ZNF469: variants seen among roughly 807,000 people sequenced by gnomAD.
The protein encoded by ZNF469 is zinc finger protein 469.
A neutral mutation model predicts 1.0 loss-of-function variants in ZNF469; 1 was observed. The ratio of observed to expected loss-of-function variants is 1.00; its 90% CI spans 0.35 to 4.73. The LOEUF is 4.73. Among genes scored for constraint, ZNF469 ranks in the 30% most tolerant of loss-of-function variants. The probability of loss-of-function intolerance (pLI) is 0.16; values close to 1 mark genes in which losing one functional copy is unlikely to be tolerated. For synonymous variants in ZNF469, 2,703 were observed against 2,363.4 expected, an observed-to-expected ratio of 1.14 and a Z score of -4.17; for missense variants, 6,100 against 5,356.3, an observed-to-expected ratio of 1.14 and a Z score of -4.33.
chr16:88,246,281 T>C, the ZNF469 span, among the ~76,000 whole-genome samples: 312 of 152,322 alleles, frequency 2.0e-3, 2 homozygotes, highest in African/African-American at 7.3e-3. Context: ...GTATTTAACA[T>C]TTGCTGTGCA....
At chr16:88,274,913 C>T in the ZNF469 span, among the ~76,000 whole-genome samples, 5 of 152,222 alleles carry the variant, frequency 3.3e-5, no homozygotes, top group African/African-American at 7.2e-5. Flanking sequence ...AGGCAACAGC[C>T]GAGCTGTTTT....
the ZNF469 span, among the ~76,000 whole-genome samples, chr16:88,230,761 C>G: frequency 6.6e-6 from 1 of 152,168 alleles, no homozygotes; most frequent in African/African-American, 2.4e-5. Context: ...TGGAACGTAC[C>G]AAGGAGTGGG....
the ZNF469 span, among the ~76,000 whole-genome samples, chr16:88,186,800 A>G: frequency 2.0e-5 from 3 of 152,342 alleles, no homozygotes; most frequent in South Asian, 6.2e-4. Flanking sequence ...GGGCTCCGGC[A>G]TCCAGGGTTC....
the ZNF469 span, among the ~76,000 whole-genome samples, chr16:88,127,439 T>A: frequency 6.6e-6 from 1 of 152,276 alleles, no homozygotes; most frequent in Non-Finnish European, 1.5e-5. Flanking sequence ...ATTTGGTCAG[T>A]TGACTCTGAT....
At chr16:88,187,900 C>G in the ZNF469 span, among the ~76,000 whole-genome samples, 1 of 152,058 alleles carries the variant, frequency 6.6e-6, no homozygotes, top group Non-Finnish European at 1.5e-5. Flanking sequence ...GCTGTTGTCT[C>G]TTTTTCCCCA....
At chr16:88,267,142 G>A in the ZNF469 span, among the ~76,000 whole-genome samples, 1 of 152,190 alleles carries the variant, frequency 6.6e-6, no homozygotes, top group East Asian at 1.9e-4. Flanking sequence ...CCCTCCATCG[G>A]CGCCCTCACT....
chr16:88,150,517 G>T, the ZNF469 span, among the ~76,000 whole-genome samples: 1 of 152,176 alleles, frequency 6.6e-6, no homozygotes, highest in Non-Finnish European at 1.5e-5. Flanking sequence ...TCATCCGGAG[G>T]GGTTGCTGAT....
Position 88,437,157 on chromosome 16 carries a change from C to G in ZNF469, c.9687C>G (p.Asn3229Lys). ...GCAGCGCTGTCGCCCACCTTCTGAACAGCATCACGGAACCCGCGCCCAAAC... is the reference window on the plus strand; with the variant it reads ...GCAGCGCTGTCGCCCACCTTCTGAAGAGCATCACGGAACCCGCGCCCAAAC... ...EGSSAVAHLL[N>K]SITEPAPKHH... The change falls in exon 3 of 3, where the codon AAC (asparagine) becomes AAG (lysine). Residue 3229 changes from asparagine to lysine, a missense_variant. By Grantham distance (94) the Asn-to-Lys change is moderately conservative. Coordinates refer to ENST00000565624, the MANE Select transcript of ZNF469 (RefSeq NM_001367624.2). 1 of 1,549,322 alleles carries G rather than the reference C, an allele frequency of 6.5e-7. No homozygotes were observed. The highest frequency in any genetic ancestry group is 8.7e-7 in the Non-Finnish European group (1 of 1,146,608).
the ZNF469 span, among the ~76,000 whole-genome samples, chr16:88,171,526 A>G: frequency 6.6e-6 from 1 of 152,210 alleles, no homozygotes; most frequent in African/African-American, 2.4e-5. Flanking sequence ...CAGGCTCACA[A>G]TCTTGGCTTC....
chr16:88,294,941 G>C, the ZNF469 span: 1 of 164,584 alleles, frequency 6.1e-6, no homozygotes, highest in Non-Finnish European at 1.3e-5. Context: ...AGAGCCTCTC[G>C]AGCCCTCAGG....
Position 88,433,171 on chromosome 16 carries a change from C to T in ZNF469, c.5701C>T (p.Pro1901Ser), listed in dbSNP as rs1208889208. ...RRSQDPALSP[P>S]IRQLQLPGPG... is the part of the protein sequence containing the mutation. Reference sequence around the variant, plus strand: ...GTCCCAGGACCCAGCTTTGAGCCCCCCCATACGTCAGCTCCAGCTCCCAGG... The same window carrying T: ...GTCCCAGGACCCAGCTTTGAGCCCCTCCATACGTCAGCTCCAGCTCCCAGG... Residue 1901 changes from proline (P) to serine (S), a missense_variant, in exon 3 of 3, where the codon CCC becomes TCC. Physicochemically the swap from Pro to Ser is moderately conservative, Grantham distance 74. Coordinates refer to ENST00000565624, the MANE Select transcript of ZNF469 (RefSeq NM_001367624.2). 1 of 1,550,324 alleles carries T rather than the reference C, an allele frequency of 6.5e-7. No homozygotes were observed. The highest frequency in any genetic ancestry group is 1.2e-5 in the South Asian group (1 of 84,054).
chr16:88,377,264 G>A, the ZNF469 span, among the ~76,000 whole-genome samples: 9 of 152,238 alleles, frequency 5.9e-5, no homozygotes, highest in South Asian at 2.1e-4. Flanking sequence ...GGGGAGGGGC[G>A]TTGCTGCTCA....
At chr16:88,414,054 C>A (rs1905244018) in intron 1 of ZNF469, among the ~76,000 whole-genome samples, 1 of 152,194 alleles carries the variant, frequency 6.6e-6, no homozygotes, top group Admixed American at 6.5e-5. Flanking sequence ...TTTCCCTACA[C>A]CCTCGGGTCT....
intron 1 of ZNF469, among the ~76,000 whole-genome samples, chr16:88,408,342 G>A (rs766910641): frequency 6.6e-6 from 1 of 152,188 alleles, no homozygotes; most frequent in Non-Finnish European, 1.5e-5. Context: ...AGTAGAGACG[G>A]GGTTTCGCCA....
At chr16:88,366,173 C>T in the ZNF469 span, among the ~76,000 whole-genome samples, 63,983 of 138,874 alleles carry the variant, frequency 0.46, 15,888 homozygotes, top group Non-Finnish European at 0.55. Flanking sequence ...ATCATCACCA[C>T]GATCATCATC....
the ZNF469 span, among the ~76,000 whole-genome samples, chr16:88,184,903 A>C: frequency 6.6e-6 from 1 of 152,214 alleles, no homozygotes; most frequent in Non-Finnish European, 1.5e-5. Flanking sequence ...ATCCACATGC[A>C]CACACTCACA....
chr16:88,198,681 C>T, the ZNF469 span, among the ~76,000 whole-genome samples: 26 of 152,128 alleles, frequency 1.7e-4, no homozygotes, highest in Admixed American at 4.6e-4. Flanking sequence ...GGATGGGTGG[C>T]GAGCAGAATG....
the ZNF469 span, among the ~76,000 whole-genome samples, chr16:88,295,822 C>CTGCT: frequency 2.6e-5 from 4 of 152,196 alleles, no homozygotes; most frequent in African/African-American, 9.7e-5. Context: ...GGAACACCAT[C>CTGCT]TGCTCTCTGC....
chr16:88,433,335 C>T lies in ZNF469; in HGVS notation c.5865C>T (p.Ala1955=), dbSNP rs940817393. 1.3e-6 allele frequency: 2 copies of T among 1,550,164 alleles called. No homozygotes were observed. The highest frequency in any genetic ancestry group is 2.7e-5 in the African/African-American group (2 of 73,050). Residue 1955 remains alanine (A), a synonymous_variant, in exon 3 of 3, where the codon GCC becomes GCT. Transcript: ENST00000565624. ...GAGGGAAGGTGGCCTGTGGCCCCGC[C>T]CAGGGCTCCCCAGGGGGTGTGCAGG... The part of the protein sequence containing the change: ...VEGGKVACGP[A]QGSPGGVQVT...
Sources: allele counts gnomAD v4.1 joint callset (sites outside exome capture counted in the v4.1 genomes callset), GRCh38; gene constraint gnomAD v4.1.1; transcripts MANE v1.5; gene names NCBI Gene and HGNC (gene_info 2026-07-23, HGNC 2026-07-21).